Variants in TENM1 observed in about 807,000 individuals in gnomAD.
The protein encoded by TENM1 is teneurin transmembrane protein 1, also known as teneurin-1.
A neutral mutation model predicts 174.8 loss-of-function variants in TENM1; 35 were observed. The ratio of observed to expected loss-of-function variants is 0.20; its 90% CI spans 0.15 to 0.27. The LOEUF is 0.27. Among genes scored for constraint, TENM1 ranks in the 10% least tolerant of loss-of-function variants. The probability of loss-of-function intolerance (pLI) is 1.00; values close to 1 mark genes in which losing one functional copy is unlikely to be tolerated. For synonymous variants in TENM1, 781 were observed against 798.7 expected (o/e 0.98, Z 0.37); for missense variants, 1,633 against 2,130.1 (o/e 0.77, Z 4.59).
At chrX:124,947,230 C>CTT (rs2058416560) in intron 1 of TENM1, among the ~76,000 whole-genome samples, 2 of 111,816 alleles carry the variant, frequency 1.8e-5, no homozygotes, top group Non-Finnish European at 3.8e-5. Context: ...ACATTAAGTG[C>CTT]AGAGGGCTCA....
chrX:124,580,865 C>A (rs1297045910), intron 11 of TENM1, among the ~76,000 whole-genome samples: 1 of 109,271 alleles, frequency 9.2e-6, no homozygotes, highest in Non-Finnish European at 1.9e-5. Context: ...GTTTTCAACC[C>A]TTCTCCCTCT....
intron 9 of TENM1, among the ~76,000 whole-genome samples, chrX:124,646,215 C>T (rs1285492995): frequency 8.9e-6 from 1 of 112,479 alleles, no homozygotes; most frequent in Non-Finnish European, 1.9e-5. Flanking sequence ...TGACTTCTGA[C>T]TTTCCAGTCG....
chrX:124,973,695 G>A, the TENM1 span, among the ~76,000 whole-genome samples: 2 of 111,285 alleles, frequency 1.8e-5, no homozygotes, highest in Non-Finnish European at 3.8e-5. Context: ...TCATGATTTG[G>A]CTCTCTATTA....
intron 3 of TENM1, among the ~76,000 whole-genome samples, chrX:124,841,211 G>A (rs2056491214): frequency 8.9e-6 from 1 of 111,744 alleles, no homozygotes; most frequent in Admixed American, 9.6e-5. Flanking sequence ...GGTGGAAAAA[G>A]TGTTTTCTCC....
the TENM1 span, among the ~76,000 whole-genome samples, chrX:125,067,101 AT>A: frequency 2.7e-4 from 30 of 110,839 alleles, no homozygotes; most frequent in African/African-American, 9.8e-4. Flanking sequence ...TGCAAATGTA[AT>A]TTTTTCTGCG....
At chrX:125,049,944 C>T in the TENM1 span, among the ~76,000 whole-genome samples, 6 of 108,353 alleles carry the variant, frequency 5.5e-5, no homozygotes, top group Non-Finnish European at 9.6e-5. Context: ...ATATTTTTTT[C>T]CATTCTATGG....
the TENM1 span, among the ~76,000 whole-genome samples, chrX:125,025,852 T>A: frequency 3.6e-5 from 4 of 111,122 alleles, no homozygotes; most frequent in South Asian, 3.7e-4. Flanking sequence ...AATGGGAATT[T>A]AAAAAAAATT....
At chrX:124,957,121 A>G (rs935744404) in intron 1 of TENM1, among the ~76,000 whole-genome samples, 5 of 112,042 alleles carry the variant, frequency 4.5e-5, no homozygotes, top group African/African-American at 1.6e-4. Context: ...TTTACCTAGA[A>G]CAGTACCTGG....
At chrX:124,671,719 T>C (rs779385884) in exon 6 of TENM1, 2 of 1,208,605 alleles carry the variant, frequency 1.7e-6, no homozygotes, top group South Asian at 1.8e-5. Context: ...TTTCCTCCAA[T>C]TGGAGAGTAA....
At chrX:124,786,553 A>C (rs1357470971) in intron 3 of TENM1, among the ~76,000 whole-genome samples, 1 of 111,891 alleles carries the variant, frequency 8.9e-6, no homozygotes, top group East Asian at 2.8e-4. Context: ...CACTGATGAA[A>C]TTCTTAAATG....
intron 23 of TENM1, among the ~76,000 whole-genome samples, chrX:124,449,230 C>T (rs2061001784): frequency 8.9e-6 from 1 of 111,821 alleles, no homozygotes; most frequent in Non-Finnish European, 1.9e-5. Context: ...AAGTTGTGTA[C>T]AGAAAGGGGA....
At chrX:124,823,656 G>A (rs1165237956) in intron 3 of TENM1, among the ~76,000 whole-genome samples, 3 of 109,594 alleles carry the variant, frequency 2.7e-5, no homozygotes, top group Non-Finnish European at 5.7e-5. Flanking sequence ...TTTTCCTCGT[G>A]AAAAAAATTT....
At position 124,582,998 on chromosome X, in the gene TENM1, C is replaced by T. The variant is rs1357997480; in HGVS notation, c.2078-17438G>A. 1.9e-4 allele frequency among the ~76,000 whole-genome samples: 21 copies of T among 112,591 alleles called. No homozygotes were observed. The Admixed American group carries it at 2.0e-3, about 11-fold the overall frequency. ...GCTGGGGGAGGGGCACCCGCCATTG[C>T]CCAGGCTTGCTTAGGTAAACAAAGC... On this transcript the variant is annotated intron_variant, in intron 11 of 31. Coordinates refer to ENST00000422452, the Ensembl canonical transcript of TENM1.
At chrX:125,063,876 C>T in the TENM1 span, among the ~76,000 whole-genome samples, 2 of 111,599 alleles carry the variant, frequency 1.8e-5, no homozygotes, top group African/African-American at 6.5e-5. Context: ...TTTACTGTGG[C>T]ACTATTCACA....
intron 3 of TENM1, among the ~76,000 whole-genome samples, chrX:124,894,001 A>C (rs1478644402): frequency 9.0e-6 from 1 of 111,451 alleles, no homozygotes; most frequent in African/African-American, 3.3e-5. Context: ...AATCCAACCC[A>C]ACCTGATTTC....
chrX:124,671,626 T>G, intron 6 of TENM1, 57 bp downstream of exon 9: 1 of 1,131,594 alleles, frequency 8.8e-7, no homozygotes, highest in Non-Finnish European at 1.2e-6. Context: ...CAGCTACAGT[T>G]CTAATGACCA....
chrX:124,618,366 C>T (rs984818164), intron 11 of TENM1, among the ~76,000 whole-genome samples: 2 of 111,844 alleles, frequency 1.8e-5, no homozygotes, highest in Non-Finnish European at 3.8e-5. Flanking sequence ...ATTGTGACAC[C>T]TGGTAGGGCA....
At chrX:124,955,997 T>C (rs962558915) in intron 1 of TENM1, among the ~76,000 whole-genome samples, 4 of 111,908 alleles carry the variant, frequency 3.6e-5, no homozygotes, top group Middle Eastern at 4.6e-3. Flanking sequence ...ATTTTATTCA[T>C]TGTAAAATGG....
At chrX:124,867,256 C>G (rs1217443907) in intron 3 of TENM1, among the ~76,000 whole-genome samples, 1 of 111,745 alleles carries the variant, frequency 8.9e-6, no homozygotes, top group East Asian at 2.8e-4. Flanking sequence ...TAATAGCAAA[C>G]TGAATTCAAC....
Sources: gnomAD v4.1 joint callset for allele counts (sites outside exome capture counted in the v4.1 genomes callset) on GRCh38, gnomAD v4.1.1 for gene constraint, MANE v1.5 for transcripts, NCBI Gene and HGNC (gene_info 2026-07-23, HGNC 2026-07-21) for gene names.